The following APBB2 variants were observed in gnomAD, a reference collection of about 807,000 sequenced individuals.
APBB2 encodes Fe65-like 1.
A neutral mutation model predicts 82.5 loss-of-function variants in APBB2; 38 were observed. That is an observed-to-expected ratio of 0.46 (90% confidence interval 0.36 to 0.60). The LOEUF (loss-of-function observed/expected upper bound fraction) is 0.60, where lower values mean the gene tolerates loss of function less well. APBB2 is among the 20% of genes least tolerant of loss of function. APBB2 has a pLI of 0.00. For synonymous variants in APBB2, 341 were observed against 368.2 expected, an observed-to-expected ratio of 0.93 and a Z score of 0.85; for missense variants, 772 against 972.3, an observed-to-expected ratio of 0.79 and a Z score of 2.74.
At chr4:40,978,301 A>G (rs1797672207) in intron 6 of APBB2, among the ~76,000 whole-genome samples, 1 of 152,186 alleles carries the variant, frequency 6.6e-6, no homozygotes, top group African/African-American at 2.4e-5. Flanking sequence ...CTGAGATATA[A>G]CTTAAATTTT....
intron 6 of APBB2, among the ~76,000 whole-genome samples, chr4:40,953,639 A>G (rs115748717): frequency 1.8e-4 from 27 of 152,258 alleles, no homozygotes; most frequent in African/African-American, 6.5e-4. Context: ...GCTGGCCCAT[A>G]TATTTCTAAA....
At chr4:41,063,668 T>A (rs1394984811) in intron 4 of APBB2, among the ~76,000 whole-genome samples, 1 of 152,090 alleles carries the variant, frequency 6.6e-6, no homozygotes, top group Non-Finnish European at 1.5e-5. Context: ...TGAGGGTGGT[T>A]CTAACTTTGC....
chr4:40,828,003 C>T (rs1750536511), intron 13 of APBB2, among the ~76,000 whole-genome samples: 1 of 152,138 alleles, frequency 6.6e-6, no homozygotes, highest in African/African-American at 2.4e-5. Flanking sequence ...GGGGTTTCCC[C>T]TTTTGCTTGG....
intron 3 of APBB2, among the ~76,000 whole-genome samples, chr4:41,081,292 G>A (rs529080396): frequency 2.6e-5 from 4 of 152,236 alleles, no homozygotes; most frequent in Non-Finnish European, 4.4e-5. Flanking sequence ...ATGTGTGTAC[G>A]TGTGTACACA....
intron 5 of APBB2, 28 bp downstream of exon 5, chr4:41,033,208 C>A (rs1717724818): frequency 2.1e-6 from 3 of 1,419,522 alleles, no homozygotes; most frequent in South Asian, 1.2e-5. Flanking sequence ...TGCTTCTCTG[C>A]ATTGAAATAT....
At chr4:40,932,264 A>G (rs1560314530) in intron 10 of APBB2, among the ~76,000 whole-genome samples, 1 of 152,238 alleles carries the variant, frequency 6.6e-6, no homozygotes, top group Non-Finnish European at 1.5e-5. Flanking sequence ...CAAGTAGCAA[A>G]GCAAATTGTT....
At chr4:41,165,574 T>A (rs1766301231) in intron 1 of APBB2, among the ~76,000 whole-genome samples, 1 of 152,174 alleles carries the variant, frequency 6.6e-6, no homozygotes, top group Admixed American at 6.5e-5. Flanking sequence ...CTTCACCAGA[T>A]ACTCCCTACA....
At chr4:41,051,137 C>A (rs776944643) in intron 4 of APBB2, among the ~76,000 whole-genome samples, 2 of 152,220 alleles carry the variant, frequency 1.3e-5, no homozygotes, top group South Asian at 2.1e-4. Flanking sequence ...AAAACAAAGG[C>A]GGGTCTCTAA....
intron 2 of APBB2, among the ~76,000 whole-genome samples, chr4:41,104,310 A>T (rs1442121877): frequency 3.3e-5 from 5 of 152,216 alleles, no homozygotes; most frequent in African/African-American, 7.2e-5. Context: ...TCTTTTAGTC[A>T]TGAGTGTGCT....
At chr4:40,898,022 T>C (rs1310186424) in intron 10 of APBB2, among the ~76,000 whole-genome samples, 1 of 152,194 alleles carries the variant, frequency 6.6e-6, no homozygotes, top group South Asian at 2.1e-4. Context: ...AGAGTAATGG[T>C]TCAGGGTAGA....
At chr4:40,941,868 C>T (rs558016435) in intron 7 of APBB2, among the ~76,000 whole-genome samples, 29 of 152,066 alleles carry the variant, frequency 1.9e-4, no homozygotes, top group South Asian at 1.0e-3. Flanking sequence ...AACTCCTGGT[C>T]TCAAGTGATT....
At chr4:41,080,355 G>A (rs1467507728) in intron 3 of APBB2, among the ~76,000 whole-genome samples, 1 of 152,144 alleles carries the variant, frequency 6.6e-6, no homozygotes, top group Non-Finnish European at 1.5e-5. Flanking sequence ...CTGTTGATGT[G>A]ACCAAAAGGG....
At chr4:41,175,451 T>A (rs1391101655) in intron 1 of APBB2, among the ~76,000 whole-genome samples, 1 of 152,152 alleles carries the variant, frequency 6.6e-6, no homozygotes, top group Non-Finnish European at 1.5e-5. Context: ...TTTTGTTTGT[T>A]TGTTTTTTAA....
intron 12 of APBB2, among the ~76,000 whole-genome samples, chr4:40,875,687 T>C (rs1369199122): frequency 2.0e-5 from 3 of 152,222 alleles, no homozygotes; most frequent in Non-Finnish European, 4.4e-5. Flanking sequence ...AGCCCAGCTC[T>C]AGGGAAATGT....
chr4:40,944,930 C>A lies in APBB2; in HGVS notation c.979G>T (p.Asp327Tyr). The A allele has an allele frequency of 6.2e-7, 1 of 1,613,850 alleles. No homozygotes were observed. Among genetic ancestry groups the A allele is most frequent in the South Asian group, 1.1e-5 (1 of 91,068 alleles). Reference sequence around the variant, plus strand: ...GACCCTTTCCTAGAACCCTGGAGATCTGCTGGGATGGAGACGGGCCGTTCC... The same window carrying A: ...GACCCTTTCCTAGAACCCTGGAGATATGCTGGGATGGAGACGGGCCGTTCC... Reference protein sequence around the residue: ...QWERPVSIPADLQGSRKGSLS... With the variant: ...QWERPVSIPAYLQGSRKGSLS... The change falls in exon 7 of 18, where the codon GAT becomes TAT. Residue 327 changes from aspartate (D) to tyrosine (Y), a missense_variant. Physicochemically the swap from Asp to Tyr is radical, Grantham distance 160. Transcript: ENST00000508593.
Position 41,033,287 on chromosome 4 carries a change from T to C in APBB2, c.-33A>G. On this transcript the variant is annotated 5_prime_UTR_variant, in exon 5 of 18. Coordinates refer to ENST00000508593, the MANE Select transcript of APBB2 (RefSeq NM_004307.2). The stretch of plus-strand genomic sequence containing the variant: ...CAGGCGTCAGCAATGGTGCAGGAAA[T>C]AGGTTATAATTTGAAATCTAAAAAG... 2.5e-6 allele frequency: 4 copies of C among 1,587,300 alleles called. No homozygotes were observed. The highest frequency in any genetic ancestry group is 3.4e-6 in the Non-Finnish European group (4 of 1,166,272).
rs576847605 is a variant in APBB2, at chr4:40,862,019, T to G, written c.1529+28345A>C. On this transcript the variant is annotated intron_variant, in intron 12 of 17. Coordinates refer to ENST00000508593, the MANE Select transcript of APBB2 (RefSeq NM_004307.2). ...AACAAACCTAACCACTCATCTTTCT[T>G]TCATAGAAACCTAACTGAAAATTCA... Among the ~76,000 whole-genome samples, 4 of 152,340 alleles carry G rather than the reference T, an allele frequency of 2.6e-5. No individual in the cohort carries two copies. In the South Asian group the frequency reaches 8.3e-4, roughly 32 times the overall value.
intron 4 of APBB2, among the ~76,000 whole-genome samples, chr4:41,053,159 T>C (rs1726681221): frequency 6.6e-6 from 1 of 152,216 alleles, no homozygotes; most frequent in South Asian, 2.1e-4. Flanking sequence ...GGTCTCAAGT[T>C]TCCAAGGCTA....
chr4:41,155,894 T>C (rs1198569302), intron 1 of APBB2, among the ~76,000 whole-genome samples: 1 of 152,316 alleles, frequency 6.6e-6, no homozygotes. Context: ...AGAAATCTAT[T>C]TAACCATAAA....
Sources: gnomAD v4.1 joint callset for allele counts (sites outside exome capture counted in the v4.1 genomes callset) on GRCh38, gnomAD v4.1.1 for gene constraint, MANE v1.5 for transcripts, NCBI Gene and HGNC (gene_info 2026-07-23, HGNC 2026-07-21) for gene names.